The following ZNF277 variants were observed in gnomAD, a reference collection of about 807,000 sequenced individuals.
ZNF277 encodes the protein nuclear receptor-interacting factor 4.
Under a neutral mutation model 60.7 loss-of-function variants are expected in ZNF277, and 55 were observed. The observed-to-expected ratio is 0.91, with a 90% confidence interval of 0.73 to 1.13. The LOEUF (loss-of-function observed/expected upper bound fraction) is 1.13, where lower values mean the gene tolerates loss of function less well. Ranked by LOEUF, ZNF277 falls within the 50% of genes most tolerant of loss-of-function variation. The pLI, the probability that ZNF277 is intolerant of heterozygous loss-of-function variation, is 0.00. For missense variants in ZNF277, 510 were observed against 523.0 expected (o/e 0.98, Z 0.24); for synonymous variants, 178 against 179.3 (o/e 0.99, Z 0.06).
At chr7:112,271,903 A>G (rs1791677660) in intron 1 of ZNF277, among the ~76,000 whole-genome samples, 1 of 152,196 alleles carries the variant, frequency 6.6e-6, no homozygotes, top group Non-Finnish European at 1.5e-5. Context: ...GATAAATGGA[A>G]TATCCATTAC....
intron 1 of ZNF277, among the ~76,000 whole-genome samples, chr7:112,226,296 A>G (rs1316643084): frequency 6.6e-6 from 1 of 151,048 alleles, no homozygotes; most frequent in Admixed American, 6.6e-5. Flanking sequence ...GCACAGGATA[A>G]ATACAAGAAA....
intron 1 of ZNF277, among the ~76,000 whole-genome samples, chr7:112,236,549 G>A (rs1181215121): frequency 6.6e-6 from 1 of 151,950 alleles, no homozygotes; most frequent in Non-Finnish European, 1.5e-5. Flanking sequence ...GAGAAAAAAT[G>A]TCCTCATTAG....
At chr7:112,244,602 AAG>A (rs1791037378) in intron 1 of ZNF277, among the ~76,000 whole-genome samples, 1 of 152,184 alleles carries the variant, frequency 6.6e-6, no homozygotes, top group Non-Finnish European at 1.5e-5. Context: ...CAGAAATAAA[AAG>A]AGCAAAAAAA....
chr7:112,290,542 A>T (rs1563217460), intron 2 of ZNF277, among the ~76,000 whole-genome samples: 1 of 152,206 alleles, frequency 6.6e-6, no homozygotes, highest in Non-Finnish European at 1.5e-5. Flanking sequence ...AGTGCTTTCT[A>T]AAGTGTATCT....
At chr7:112,250,608 C>G (rs913368033) in intron 1 of ZNF277, among the ~76,000 whole-genome samples, 3 of 152,180 alleles carry the variant, frequency 2.0e-5, no homozygotes, top group Admixed American at 2.0e-4. Context: ...CCCTTTATTT[C>G]TCAAGCTGGC....
intron 4 of ZNF277, among the ~76,000 whole-genome samples, chr7:112,308,448 T>C (rs938410964): frequency 2.6e-5 from 4 of 151,766 alleles, no homozygotes; most frequent in African/African-American, 9.7e-5. Flanking sequence ...GCCCAGGAGG[T>C]GGAGGTTGCA....
intron 1 of ZNF277, among the ~76,000 whole-genome samples, chr7:112,218,456 A>G (rs1045288147): frequency 6.6e-6 from 1 of 152,224 alleles, no homozygotes; most frequent in African/African-American, 2.4e-5. Flanking sequence ...TTAACCTTGC[A>G]TACTTACCAT....
chr7:112,286,610 C>T (rs569472585), intron 1 of ZNF277, among the ~76,000 whole-genome samples: 2 of 152,260 alleles, frequency 1.3e-5, no homozygotes, highest in South Asian at 4.1e-4. Flanking sequence ...TGAACAGCTG[C>T]CCTGACAAAT....
chr7:112,332,319 C>G (rs1012589999), intron 7 of ZNF277, among the ~76,000 whole-genome samples: 1 of 152,046 alleles, frequency 6.6e-6, no homozygotes, highest in Non-Finnish European at 1.5e-5. Flanking sequence ...AATTTTGTGA[C>G]ACAGGTATTG....
chr7:112,294,449 T>G (rs1163080979), intron 2 of ZNF277, among the ~76,000 whole-genome samples: 1 of 152,196 alleles, frequency 6.6e-6, no homozygotes, highest in East Asian at 1.9e-4. Flanking sequence ...TTTATATATT[T>G]GTGGTTTAAG....
chr7:112,337,371 T>C (rs1189671741), intron 8 of ZNF277, among the ~76,000 whole-genome samples: 3 of 152,202 alleles, frequency 2.0e-5, no homozygotes, highest in African/African-American at 7.2e-5. Context: ...CACTCAGTGG[T>C]TGTGGTTAAT....
At chr7:112,228,188 C>G (rs1822225539) in intron 1 of ZNF277, among the ~76,000 whole-genome samples, 1 of 151,990 alleles carries the variant, frequency 6.6e-6, no homozygotes, top group African/African-American at 2.4e-5. Context: ...TTGTCTTCCC[C>G]CTATCTGTCT....
intron 1 of ZNF277, among the ~76,000 whole-genome samples, chr7:112,225,788 T>C (rs1344441498): frequency 6.6e-5 from 10 of 152,198 alleles, no homozygotes; most frequent in African/African-American, 2.4e-4. Context: ...TGCTATTGAA[T>C]TAGGCAAGGC....
chr7:112,216,850 A>G (rs1276685529), intron 1 of ZNF277, among the ~76,000 whole-genome samples: 1 of 152,236 alleles, frequency 6.6e-6, no homozygotes, highest in African/African-American at 2.4e-5. Context: ...GATCAGGTGT[A>G]TCAGGTTAGA....
At chr7:112,218,169 GC>G (rs1330350993) in intron 1 of ZNF277, among the ~76,000 whole-genome samples, 1 of 152,162 alleles carries the variant, frequency 6.6e-6, no homozygotes, top group Non-Finnish European at 1.5e-5. Flanking sequence ...TGGGCAGTGG[GC>G]AAAATGAACC....
At chr7:112,340,016 G>C (rs1184900040) in intron 10 of ZNF277, 131 bp downstream of exon 10, 3 of 801,906 alleles carry the variant, frequency 3.7e-6, no homozygotes, top group Non-Finnish European at 6.1e-6. Context: ...AGATGGTCTT[G>C]ACAGAACTCT....
intron 10 of ZNF277, 133 bp from the exon 11 acceptor site, chr7:112,340,739 A>G (rs998383287): frequency 1.7e-5 from 12 of 693,262 alleles, no homozygotes; most frequent in Admixed American, 3.0e-5. Context: ...TTTGGTATCT[A>G]TTATTATGCT....
chr7:112,282,583 A>G (rs941200118), intron 1 of ZNF277, among the ~76,000 whole-genome samples: 1 of 152,112 alleles, frequency 6.6e-6, no homozygotes, highest in Admixed American at 6.5e-5. Flanking sequence ...TTTAACCTCT[A>G]TCCCTCTCCT....
At chr7:112,301,774 CCTTA>C (rs1792476158) in intron 4 of ZNF277, among the ~76,000 whole-genome samples, 1 of 150,812 alleles carries the variant, frequency 6.6e-6, no homozygotes, top group East Asian at 1.9e-4. Flanking sequence ...AATCTGTCTT[CCTTA>C]CTAAGATGTC....
Sources: allele counts gnomAD v4.1 joint callset (sites outside exome capture counted in the v4.1 genomes callset), GRCh38; gene constraint gnomAD v4.1.1; transcripts MANE v1.5; gene names NCBI Gene and HGNC (gene_info 2026-07-23, HGNC 2026-07-21).